The following ZC3H4 variants were observed in gnomAD, a reference collection of about 807,000 sequenced individuals.
ZC3H4 encodes the protein zinc finger CCCH-type containing 4.
Under a neutral mutation model 108.3 loss-of-function variants are expected in ZC3H4, and 13 were observed. The ratio of observed to expected loss-of-function variants is 0.12; its 90% CI spans 0.08 to 0.19. The LOEUF is 0.19. ZC3H4 is among the 10% of genes least tolerant of loss of function. The pLI is 1.00. For synonymous variants in ZC3H4, 917 were observed against 749.6 expected, an observed-to-expected ratio of 1.22 and a Z score of -3.65; for missense variants, 1,734 against 1,838.8, an observed-to-expected ratio of 0.94 and a Z score of 1.04.
chr19:47,065,892 C>G lies in ZC3H4; in HGVS notation c.*464G>C, dbSNP rs186828034. The G allele has an allele frequency of 6.5e-6, 1 of 154,790 alleles. No homozygotes were observed. Among genetic ancestry groups the G allele is most frequent in the African/African-American group, 2.4e-5 (1 of 41,572 alleles). The allele number at this position is 154,790 out of a possible 1,614,324, so 9.6% of individuals were successfully genotyped here. A position where few individuals can be genotyped will look rare whatever the true frequency, so the allele number is the denominator to read the frequency against. ...CTAGAAACGCCTGGACCTGCTTCCACGCAGGCCCTGCCATGGTCTTGGTTC... is the reference window on the plus strand; with the variant it reads ...CTAGAAACGCCTGGACCTGCTTCCAGGCAGGCCCTGCCATGGTCTTGGTTC... On this transcript the variant is annotated 3_prime_UTR_variant, in exon 15 of 15. Coordinates refer to ENST00000253048, the MANE Select transcript of ZC3H4 (RefSeq NM_015168.2).
chr19:47,107,633 G>A (rs1253052451), intron 2 of ZC3H4, among the ~76,000 whole-genome samples: 1 of 147,780 alleles, frequency 6.8e-6, no homozygotes, highest in Non-Finnish European at 1.5e-5. Flanking sequence ...TATGCTCTCA[G>A]CAAATAATCC....
At chr19:47,076,917 T>C (rs930241507) in intron 11 of ZC3H4, among the ~76,000 whole-genome samples, 12 of 151,710 alleles carry the variant, frequency 7.9e-5, no homozygotes, top group Non-Finnish European at 1.6e-4. Context: ...CGCTTGAACC[T>C]GGGAGGCGGA....
rs773108701 is a variant in ZC3H4, at chr19:47,072,055, T to C, written c.1869A>G (p.Pro623=). ...GPGPNMGPPG[P]MGGPMHPDMH... ...TGTCAGGATGCATTGGACCGCCCAT[T>C]GGCCCTGGGGGTCCCATGTTGGGCC... Residue 623 remains proline, a synonymous_variant, in exon 13 of 15, where the codon CCA becomes CCG. Transcript: ENST00000253048. This position sits in a 1 kb window ranked among gnomAD's most constrained non-coding sequence, Gnocchi z 5.6. The C allele has an allele frequency of 6.3e-7, 1 of 1,583,948 alleles. No homozygotes were observed. The highest frequency in any genetic ancestry group is 1.3e-5 in the African/African-American group (1 of 74,278).
At chr19:47,111,933 G>C (rs982886448) in intron 2 of ZC3H4, among the ~76,000 whole-genome samples, 2 of 152,074 alleles carry the variant, frequency 1.3e-5, no homozygotes, top group African/African-American at 2.4e-5. Context: ...AAACCCCTAA[G>C]AGCGGGGCTG....
At chr19:47,100,180 A>G (rs892297495) in intron 2 of ZC3H4, among the ~76,000 whole-genome samples, 2 of 152,264 alleles carry the variant, frequency 1.3e-5, no homozygotes, top group African/African-American at 4.8e-5. Flanking sequence ...CTCAGGGCTC[A>G]TGCCAAAGAA....
chr19:47,102,031 C>T (rs2057910790), intron 2 of ZC3H4, among the ~76,000 whole-genome samples: 2 of 151,966 alleles, frequency 1.3e-5, no homozygotes, highest in African/African-American at 4.8e-5. Context: ...GAGACTTCGT[C>T]TCAAAAAAAA....
chr19:47,074,245 C>T (rs1599998534), intron 11 of ZC3H4, among the ~76,000 whole-genome samples: 1 of 152,226 alleles, frequency 6.6e-6, no homozygotes, highest in Non-Finnish European at 1.5e-5. Flanking sequence ...GTATTCACTA[C>T]TGGGTCACCA....
At chr19:47,104,548 CA>C (rs1376456327) in intron 2 of ZC3H4, among the ~76,000 whole-genome samples, 2 of 152,154 alleles carry the variant, frequency 1.3e-5, no homozygotes, top group Non-Finnish European at 2.9e-5. Context: ...TCAATAGAAA[CA>C]GTAACTAATT....
intron 9 of ZC3H4, 96 bp from the exon 10 acceptor site, chr19:47,082,391 T>C: frequency 3.3e-6 from 3 of 916,108 alleles, no homozygotes; most frequent in East Asian, 5.0e-5. Flanking sequence ...TGCTGGTGCA[T>C]GGAGGGGCCA....
intron 2 of ZC3H4, among the ~76,000 whole-genome samples, chr19:47,098,686 C>T (rs1035794414): frequency 3.3e-5 from 5 of 152,164 alleles, no homozygotes; most frequent in African/African-American, 1.2e-4. Context: ...ATCGCTTGAA[C>T]CTGGGAGGCG....
At chr19:47,087,426 T>C (rs1352531618) in intron 5 of ZC3H4, among the ~76,000 whole-genome samples, 1 of 129,174 alleles carries the variant, frequency 7.7e-6, no homozygotes, top group Non-Finnish European at 1.8e-5. Flanking sequence ...GGTTTCACTT[T>C]TTTCTTCACT....
chr19:47,112,871 C>T (rs1052656494), intron 1 of ZC3H4, among the ~76,000 whole-genome samples: 1 of 152,028 alleles, frequency 6.6e-6, no homozygotes, highest in African/African-American at 2.4e-5. Flanking sequence ...GGGGGCGGGA[C>T]ACCCGGGAGA....
intron 5 of ZC3H4, 29 bp downstream of exon 5, chr19:47,089,938 A>G (rs1483703233): frequency 1.2e-6 from 2 of 1,612,858 alleles, no homozygotes; most frequent in Non-Finnish European, 1.7e-6. Context: ...CCGATGCCCC[A>G]GAGGAGAAAC....
intron 2 of ZC3H4, among the ~76,000 whole-genome samples, chr19:47,101,862 T>C (rs1481102072): frequency 1.4e-5 from 2 of 145,582 alleles, no homozygotes; most frequent in African/African-American, 5.1e-5. Context: ...AGCAAGACTC[T>C]GTCTCGAAAA....
rs757320737 is a variant in ZC3H4 at position 47,072,948 on chromosome 19, A to T, written c.1441-235T>A. Among the ~76,000 whole-genome samples the T allele has an allele frequency of 6.6e-6, 1 of 152,120 alleles. No individual in the cohort carries two copies. Among genetic ancestry groups the T allele is most frequent in the Non-Finnish European group, 1.5e-5 (1 of 68,020 alleles). On this transcript the variant is annotated intron_variant, in intron 11 of 14. Transcript: ENST00000253048. The surrounding 1 kb of genome is among the most constrained non-coding windows in gnomAD (Gnocchi z 5.6). ...CCATTCCTGCTCTATGGCAAAATAC[A>T]CATAACAAAGCATACTGTTTAACCA...
At chr19:47,084,943 T>C in intron 8 of ZC3H4, 113 bp downstream of exon 8, 2 of 1,431,660 alleles carry the variant, frequency 1.4e-6, no homozygotes, top group Non-Finnish European at 1.9e-6. Context: ...GCCAGCCCTT[T>C]GGGGGGTGGC....
chr19:47,107,519 GACAA>G (rs199942864), intron 2 of ZC3H4, among the ~76,000 whole-genome samples: 2,293 of 152,204 alleles, frequency 0.015, 33 homozygotes, highest in Non-Finnish European at 0.025. Flanking sequence ...CCACTTGCCT[GACAA>G]ACAGGGCACT....
Position 47,112,524 on chromosome 19 carries a change from G to T in ZC3H4, c.61C>A (p.Pro21Thr). 5 of 1,072,018 alleles carry T rather than the reference G, an allele frequency of 4.7e-6. No individual in the cohort carries two copies. Among genetic ancestry groups the T allele is most frequent in the Non-Finnish European group, 6.0e-6 (5 of 834,622 alleles). 66.4% of individuals were successfully genotyped at this position (1,072,018 alleles called of 1,614,324 possible). Residue 21 changes from proline to threonine, a missense_variant, in exon 2 of 15, where the codon CCG (proline) becomes ACG (threonine). Physicochemically the swap from Pro to Thr is conservative, Grantham distance 38 (BLOSUM62 -1). This residue lies in a region of ZC3H4 where 112 missense variants were observed against 73.3 expected (regional missense o/e 1.53). Coordinates refer to ENST00000253048, the MANE Select transcript of ZC3H4 (RefSeq NM_015168.2). The part of the protein sequence containing the change: ...PPSESPPPPS[P>T]PPPSTPSPPP... ...GGCGAAGGCGTTGATGGCGGCGGCG[G>T]CGATGGCGGCGGCGGCGACTCTGAT...
rs776883371 is a variant in ZC3H4, at chr19:47,072,316, C to T, written c.1802+36G>A. ...AGGAGCCTGGCTGGGCCCAGGACAG[C>T]GCCCACTGCCTGTCACGGGGGTCCA... is the stretch of plus-strand genomic sequence containing the variant. On this transcript the variant is annotated intron_variant, in intron 12 of 14. Transcript: ENST00000253048. The surrounding 1 kb of genome is among the most constrained non-coding windows in gnomAD (Gnocchi z 5.6). 12 of 1,591,288 alleles carry T rather than the reference C, an allele frequency of 7.5e-6. No individual in the cohort carries two copies. Among genetic ancestry groups the T allele is most frequent in the East Asian group, 2.3e-5 (1 of 44,256 alleles).
Sources: gnomAD v4.1 joint callset for allele counts (sites outside exome capture counted in the v4.1 genomes callset) on GRCh38, gnomAD v4.1.1 for gene constraint, gnomAD v4.1.1 regional missense constraint, Gnocchi (gnomAD v3.1) non-coding constraint, MANE v1.5 for transcripts, NCBI Gene and HGNC (gene_info 2026-07-23, HGNC 2026-07-21) for gene names.